IFT74: variants seen among roughly 807,000 people sequenced by gnomAD.
IFT74 encodes the protein intraflagellar transport protein 74 homolog.
A neutral mutation model predicts 96.7 loss-of-function variants in IFT74; 92 were observed. That is an observed-to-expected ratio of 0.95 (90% CI 0.80 to 1.13). The LOEUF (loss-of-function observed/expected upper bound fraction) is 1.13. Among genes scored for constraint, IFT74 ranks in the 50% most tolerant of loss-of-function variants. The probability of loss-of-function intolerance (pLI) is 0.00; values close to 1 mark genes in which losing one functional copy is unlikely to be tolerated. For missense variants in IFT74, 811 were observed against 698.2 expected (o/e 1.16, Z -1.82); for synonymous variants, 223 against 213.2 (o/e 1.05, Z -0.40).
intron 8 of IFT74, among the ~76,000 whole-genome samples, chr9:27,003,784 A>G (rs1828630678): frequency 6.6e-6 from 1 of 152,188 alleles, no homozygotes; most frequent in South Asian, 2.1e-4. Context: ...TCATAATAGA[A>G]TCCCTTTTAG....
chr9:27,037,126 A>G (rs1819242343), intron 13 of IFT74, among the ~76,000 whole-genome samples: 1 of 151,038 alleles, frequency 6.6e-6, no homozygotes, highest in African/African-American at 2.4e-5. Context: ...AGGCTGAGAC[A>G]GGAGAATTGA....
intron 10 of IFT74, among the ~76,000 whole-genome samples, chr9:27,012,626 T>C (rs1347437475): frequency 6.6e-6 from 1 of 151,980 alleles, no homozygotes; most frequent in African/African-American, 2.4e-5. Context: ...TTTTTATTCA[T>C]TTATTTAAAA....
intron 8 of IFT74, chr9:26,996,413 A>G: frequency 6.2e-7 from 1 of 1,610,560 alleles, no homozygotes; most frequent in South Asian, 1.1e-5. Context: ...GGAAATTTTG[A>G]GTGGCATTCA....
intron 16 of IFT74, among the ~76,000 whole-genome samples, chr9:27,050,782 G>A (rs1819887114): frequency 6.6e-6 from 1 of 151,796 alleles, no homozygotes; most frequent in African/African-American, 2.4e-5. Flanking sequence ...TATACCTAAT[G>A]TAAATGACGA....
chr9:27,065,972 G>C lies in IFT74; in HGVS notation c.*3236G>C, dbSNP rs906445096. On this transcript the variant is annotated 3_prime_UTR_variant, in exon 20 of 20. Transcript: ENST00000380062. ...TAAAAAGGCAATTTTTAATACAAAG[G>C]TAGATAATTTAGGAAGACAGATAAA... is the stretch of plus-strand genomic sequence containing the variant. Among the ~76,000 whole-genome samples, 1 of 152,138 alleles carries C rather than the reference G, an allele frequency of 6.6e-6. No individual in the cohort carries two copies. Among genetic ancestry groups the C allele is most frequent in the Admixed American group, 6.5e-5 (1 of 15,272 alleles).
intron 1 of IFT74, among the ~76,000 whole-genome samples, chr9:26,958,518 A>G (rs1826216864): frequency 6.6e-6 from 1 of 152,186 alleles, no homozygotes; most frequent in Non-Finnish European, 1.5e-5. Flanking sequence ...TAGGAACAAA[A>G]TCAGTAGAAC....
rs78929611 is a variant in IFT74, at chr9:26,956,798, C to T, written c.-20+282C>T. The stretch of plus-strand genomic sequence containing the variant: ...ATGGGCTGAAGGATTTTAGTCAAAG[C>T]AATACATTTCTGCCTCTTACAGTGG... On this transcript the variant is annotated intron_variant, in intron 1 of 19. Transcript: ENST00000380062. 8.8e-3 allele frequency among the ~76,000 whole-genome samples: 1,341 copies of T among 152,328 alleles called. 13 individuals carry two copies. The highest frequency in any genetic ancestry group is 0.014 in the Non-Finnish European group (966 of 68,032).
intron 18 of IFT74, among the ~76,000 whole-genome samples, chr9:27,058,530 C>T (rs935389906): frequency 2.0e-5 from 3 of 152,122 alleles, no homozygotes; most frequent in Admixed American, 6.5e-5. Context: ...GGATTGTAGG[C>T]GCCAGCCACC....
chr9:26,952,099 C>T (rs1445834078), upstream of IFT74, among the ~76,000 whole-genome samples: 1 of 152,030 alleles, frequency 6.6e-6, no homozygotes, highest in African/African-American at 2.4e-5. Flanking sequence ...ATTTAGTAAG[C>T]GTTTTTCTTG....
At chr9:27,042,732 GAGT>G (rs1819533313) in intron 13 of IFT74, among the ~76,000 whole-genome samples, 1 of 152,182 alleles carries the variant, frequency 6.6e-6, no homozygotes, top group African/African-American at 2.4e-5. Flanking sequence ...AGTCTCCCAA[GAGT>G]GGAACTTAAA....
At chr9:26,975,569 C>T (rs189179335) in intron 2 of IFT74, among the ~76,000 whole-genome samples, 8 of 152,276 alleles carry the variant, frequency 5.3e-5, no homozygotes, top group South Asian at 2.1e-4. Flanking sequence ...AATTTCATCA[C>T]GCGCTTGGCT....
chr9:27,060,821 G>T (rs1418150711), intron 19 of IFT74, 170 bp downstream of exon 19: 1 of 393,404 alleles, frequency 2.5e-6, no homozygotes, highest in Non-Finnish European at 4.6e-6. Flanking sequence ...ACATAGCCGG[G>T]CGTGGTGGCG....
In IFT74 at chr9:27,053,161, CTTTTTTTTTTTT is replaced by C. The variant is rs58085385; in HGVS notation, c.1334-2433_1334-2422del. Among the ~76,000 whole-genome samples the C allele has an allele frequency of 3.6e-4, 18 of 50,590 alleles. 1 individual carries two copies. Among genetic ancestry groups the C allele is most frequent in the African/African-American group, 1.6e-3 (16 of 10,318 alleles). 33.2% of individuals were successfully genotyped at this position (50,590 alleles called of 152,430 possible). On this transcript the variant is annotated intron_variant, in intron 16 of 19. Coordinates refer to ENST00000380062, the MANE Select transcript of IFT74 (RefSeq NM_025103.4). ...TACAGGCGTGAGCACCGCGCCTGGC[CTTTTTTTTTTTT>C]TTTTTTTTTTTTTTAATGGAGCAAT... is the stretch of plus-strand genomic sequence containing the variant.
intron 1 of IFT74, among the ~76,000 whole-genome samples, chr9:26,949,991 A>G (rs1452027720): frequency 6.6e-6 from 1 of 151,572 alleles, no homozygotes; most frequent in Non-Finnish European, 1.5e-5. Context: ...TGGTTACGTG[A>G]CTCCAGGGCA....
chr9:26,954,847 ATATAACCT>A (rs142599101), upstream of IFT74, among the ~76,000 whole-genome samples: 3,156 of 152,198 alleles, frequency 0.021, 55 homozygotes, highest in Non-Finnish European at 0.032. Context: ...TTCCAATTTG[ATATAACCT>A]TAAAAGCAAC....
intron 13 of IFT74, among the ~76,000 whole-genome samples, chr9:27,041,605 C>G (rs1056864560): frequency 6.6e-6 from 1 of 152,174 alleles, no homozygotes; most frequent in Non-Finnish European, 1.5e-5. Context: ...GATTCTACTA[C>G]ATTAGACCCT....
intron 1 of IFT74, among the ~76,000 whole-genome samples, chr9:26,950,218 A>G (rs1179281644): frequency 6.6e-6 from 1 of 151,952 alleles, no homozygotes; most frequent in Non-Finnish European, 1.5e-5. Flanking sequence ...AGGCTGAGGC[A>G]GGAGAATCAC....
At chr9:26,983,734 T>C (rs1025030096) in intron 4 of IFT74, 2 of 152,034 alleles carry the variant, frequency 1.3e-5, no homozygotes, top group South Asian at 2.1e-4. Context: ...TTCTCCTCAG[T>C]TTCTCATCAG....
At chr9:26,993,422 A>G (rs187312031) in intron 8 of IFT74, 67 of 152,644 alleles carry the variant, frequency 4.4e-4, no homozygotes, top group African/African-American at 1.4e-3. Flanking sequence ...TAATATACTT[A>G]TATCCTTTGT....
Sources: gnomAD v4.1 joint callset for allele counts (sites outside exome capture counted in the v4.1 genomes callset) on GRCh38, gnomAD v4.1.1 for gene constraint, MANE v1.5 for transcripts, NCBI Gene and HGNC (gene_info 2026-07-23, HGNC 2026-07-21) for gene names.